The following LRRFIP1 variants were observed in gnomAD, a reference collection of about 807,000 sequenced individuals.
The protein encoded by LRRFIP1 is LRR binding FLII interacting protein 1, also known as leucine-rich repeat flightless-interacting protein 1.
Under a neutral mutation model 104.4 loss-of-function variants are expected in LRRFIP1, and 62 were observed. That is an observed-to-expected ratio of 0.59 (90% confidence interval 0.48 to 0.73). The LOEUF (loss-of-function observed/expected upper bound fraction) is 0.73, where lower values mean the gene tolerates loss of function less well. Among genes scored for constraint, LRRFIP1 ranks in the 30% least tolerant of loss-of-function variants. The pLI is 0.00. For missense variants in LRRFIP1, 796 were observed against 824.5 expected (o/e 0.97, Z 0.42); for synonymous variants, 300 against 299.0 (o/e 1.00, Z -0.03).
intron 1 of LRRFIP1, among the ~76,000 whole-genome samples, chr2:237,694,294 C>T (rs973611179): frequency 1.3e-5 from 2 of 152,136 alleles, no homozygotes; most frequent in African/African-American, 4.8e-5. Context: ...AATCATGGCC[C>T]CAAGGGTTTT....
rs143940214 is a variant in LRRFIP1, at chr2:237,675,923, T to G, written c.97-32621T>G. 7.0e-3 allele frequency among the ~76,000 whole-genome samples: 1,060 copies of G among 152,384 alleles called. 17 individuals are homozygous for G. Among genetic ancestry groups the G allele is most frequent in the African/African-American group, 0.025 (1,024 of 41,590 alleles). On this transcript the variant is annotated intron_variant, in intron 1 of 23. Transcript: ENST00000308482. ...GACAGGATGCTGTAAAGCAGTAGGT[T>G]GACCTGGCCCTTTTCTTATAATGTA...
intron 9 of LRRFIP1, among the ~76,000 whole-genome samples, chr2:237,734,937 C>T (rs949436312): frequency 6.6e-6 from 1 of 152,184 alleles, no homozygotes; most frequent in Non-Finnish European, 1.5e-5. Flanking sequence ...TGACAAAATT[C>T]AGGATGTTCG....
chr2:237,760,584 T>C (rs1257809994), intron 19 of LRRFIP1, among the ~76,000 whole-genome samples: 2 of 152,266 alleles, frequency 1.3e-5, no homozygotes, highest in African/African-American at 2.4e-5. Flanking sequence ...ACCGATTCTA[T>C]GACAGAATTA....
chr2:237,764,090 A>G (rs756960712), intron 19 of LRRFIP1: 1 of 1,614,240 alleles, frequency 6.2e-7, no homozygotes, highest in South Asian at 1.1e-5. Context: ...AGAAGATACC[A>G]GAGGAGGGAA....
At chr2:237,647,700 CCCGTGGCCGG>C (rs1195850642) in intron 1 of LRRFIP1, among the ~76,000 whole-genome samples, 4 of 115,800 alleles carry the variant, frequency 3.5e-5, no homozygotes, top group Admixed American at 7.9e-5. Context: ...GCCCTGTCAC[CCCGTGGCCGG>C]CCACTCACTG....
chr2:237,688,986 AT>A (rs11344493), intron 1 of LRRFIP1, among the ~76,000 whole-genome samples: 17,403 of 150,424 alleles, frequency 0.12, 3,103 homozygotes, highest in African/African-American at 0.39. Context: ...CGGCCTTCCC[AT>A]GCGTCAAGTT....
At chr2:237,702,346 T>C (rs147353324) in intron 1 of LRRFIP1, among the ~76,000 whole-genome samples, 224 of 152,296 alleles carry the variant, frequency 1.5e-3, no homozygotes, top group Non-Finnish European at 2.4e-3. Flanking sequence ...TATCTTGCTG[T>C]AAGACCTAGT....
Position 237,735,940 on chromosome 2 carries a change from C to T in LRRFIP1, c.555+607C>T, listed in dbSNP as rs1017221677. Among the ~76,000 whole-genome samples the T allele has an allele frequency of 6.6e-6, 1 of 152,200 alleles. No homozygotes were observed. The highest frequency in any genetic ancestry group is 1.5e-5 in the Non-Finnish European group (1 of 68,038). ...GTCCCAGGGACCTGTGGAAACGGAG[C>T]GTTCAGTGCTAACCGGTGCTCCCTG... is the stretch of plus-strand genomic sequence containing the variant. On this transcript the variant is annotated intron_variant, in intron 10 of 23. Coordinates refer to ENST00000308482, the MANE Select transcript of LRRFIP1 (RefSeq NM_001137550.2). The surrounding 1 kb of genome is among the most constrained non-coding windows in gnomAD (Gnocchi z 4.6).
chr2:237,629,954 G>T (rs4663263), intron 1 of LRRFIP1, among the ~76,000 whole-genome samples: 61,450 of 151,948 alleles, frequency 0.4, 12,870 homozygotes, highest in East Asian at 0.46. Context: ...TCCTAGGAAG[G>T]TGAGTTACTC....
At chr2:237,671,085 G>C (rs2090271269) in intron 1 of LRRFIP1, among the ~76,000 whole-genome samples, 2 of 152,220 alleles carry the variant, frequency 1.3e-5, no homozygotes, top group African/African-American at 4.8e-5. Flanking sequence ...GAACTGGCCT[G>C]TTGCATATGA....
chr2:237,743,143 G>A lies in LRRFIP1; in HGVS notation c.633+3834G>A, dbSNP rs544337405. 5.3e-4 allele frequency among the ~76,000 whole-genome samples: 80 copies of A among 152,290 alleles called. 2 individuals are homozygous for A. In the South Asian group the frequency reaches 0.014, roughly 27 times the overall value. ...GAAATGCTCCCAGGCCGGGGACTTCGTCAGGGACACGTATCCAGGGCCAGT... is the reference window on the plus strand; with the variant it reads ...GAAATGCTCCCAGGCCGGGGACTTCATCAGGGACACGTATCCAGGGCCAGT... On this transcript the variant is annotated intron_variant, in intron 11 of 23. Transcript: ENST00000308482.
At chr2:237,715,704 C>T (rs2094304348) in intron 3 of LRRFIP1, among the ~76,000 whole-genome samples, 1 of 152,214 alleles carries the variant, frequency 6.6e-6, no homozygotes. Context: ...CAGCCAGCTG[C>T]TTTGCGGAAC....
chr2:237,739,829 T>C (rs2095360377), intron 11 of LRRFIP1, among the ~76,000 whole-genome samples: 1 of 152,170 alleles, frequency 6.6e-6, no homozygotes, highest in African/African-American at 2.4e-5. Context: ...TTGTTAAGTC[T>C]CATTATTGTG....
chr2:237,709,451 C>G (rs1410881077), intron 2 of LRRFIP1, among the ~76,000 whole-genome samples: 1 of 152,188 alleles, frequency 6.6e-6, no homozygotes, highest in Non-Finnish European at 1.5e-5. Flanking sequence ...AAGTAACCAG[C>G]TGCCTTCCCC....
rs535356215 is a variant in LRRFIP1, at chr2:237,686,170, T to G, written c.97-22374T>G. On this transcript the variant is annotated intron_variant, in intron 1 of 23. Coordinates refer to ENST00000308482, the MANE Select transcript of LRRFIP1 (RefSeq NM_001137550.2). ...TCACCTTTAACTAATCGGTAGTGTG[T>G]GCTGAGGTGCCTGTTAGACTCCTCC... Among the ~76,000 whole-genome samples, 3 of 152,302 alleles carry G rather than the reference T, an allele frequency of 2.0e-5. No individual in the cohort carries two copies. In the South Asian group the frequency reaches 6.2e-4, roughly 32 times the overall value.
intron 22 of LRRFIP1, among the ~76,000 whole-genome samples, chr2:237,773,695 C>T (rs2060844712): frequency 6.6e-6 from 1 of 152,152 alleles, no homozygotes; most frequent in Non-Finnish European, 1.5e-5. Context: ...GCACCCTGGG[C>T]CCTAGGGCAA....
chr2:237,627,674 C>A lies in LRRFIP1; in HGVS notation c.30C>A (p.Arg10=). The change falls in exon 1 of 24, where the codon CGC becomes CGA. Residue 10 remains arginine (R), a synonymous_variant. Coordinates refer to ENST00000308482, the MANE Select transcript of LRRFIP1 (RefSeq NM_001137550.2). ...ACATGGGCACCCAGGGATCGGGGCG[C>A]AAGCGGCTCCCCAACCGGGAGCGGC... MDMGTQGSG[R]KRLPNRERLT... is the part of the protein sequence containing the mutation. The A allele has an allele frequency of 7.3e-7, 1 of 1,367,518 alleles. No individual in the cohort carries two copies. Among genetic ancestry groups the A allele is most frequent in the Non-Finnish European group, 9.5e-7 (1 of 1,047,964 alleles). 84.7% of individuals were successfully genotyped at this position (1,367,518 alleles called of 1,614,324 possible).
chr2:237,768,446 G>C (rs964466130), intron 19 of LRRFIP1: 3 of 152,170 alleles, frequency 2.0e-5, no homozygotes, highest in African/African-American at 4.8e-5. Flanking sequence ...TCACATTCTG[G>C]TGTATTCAGT....
intron 13 of LRRFIP1, among the ~76,000 whole-genome samples, chr2:237,749,813 T>C (rs1483101499): frequency 1.3e-5 from 2 of 152,210 alleles, no homozygotes; most frequent in African/African-American, 2.4e-5. Flanking sequence ...AATGATTTTT[T>C]TTATCCCACT....
Sources: gnomAD v4.1 joint callset for allele counts (sites outside exome capture counted in the v4.1 genomes callset) on GRCh38, gnomAD v4.1.1 for gene constraint, Gnocchi (gnomAD v3.1) non-coding constraint, MANE v1.5 for transcripts, NCBI Gene and HGNC (gene_info 2026-07-23, HGNC 2026-07-21) for gene names.